The following SYT2 variants were observed in gnomAD, a reference collection of about 807,000 sequenced individuals.
SYT2 encodes synaptotagmin 2.
Under a neutral mutation model 39.9 loss-of-function variants are expected in SYT2, and 15 were observed. The observed-to-expected ratio is 0.38, with a 90% CI of 0.25 to 0.58. The LOEUF is 0.58. Ranked by LOEUF, SYT2 falls within the 20% of genes least tolerant of loss-of-function variation. The pLI is 0.70. For synonymous variants in SYT2, 181 were observed against 204.5 expected (o/e 0.89, Z 0.98); for missense variants, 389 against 530.3 (o/e 0.73, Z 2.62).
At chr1:202,651,100 G>A (rs1430874432) in intron 1 of SYT2, among the ~76,000 whole-genome samples, 6 of 152,174 alleles carry the variant, frequency 3.9e-5, no homozygotes, top group Non-Finnish European at 7.3e-5. Context: ...AAGGCTTGAA[G>A]CAGGGAGCTG....
intron 1 of SYT2, among the ~76,000 whole-genome samples, chr1:202,606,542 G>A (rs1181852615): frequency 6.6e-6 from 1 of 152,054 alleles, no homozygotes; most frequent in Non-Finnish European, 1.5e-5. Flanking sequence ...AGCTCTCTGC[G>A]GTTTCTTCAC....
chr1:202,630,400 C>T (rs1016167583), intron 1 of SYT2: 20 of 985,112 alleles, frequency 2.0e-5, no homozygotes, highest in Admixed American at 1.2e-4. Context: ...GATGCACAGG[C>T]GCTTCTGCTG....
chr1:202,674,022 AT>A (rs922016487), intron 1 of SYT2, among the ~76,000 whole-genome samples: 11 of 151,882 alleles, frequency 7.2e-5, no homozygotes, highest in South Asian at 2.1e-4. Flanking sequence ...GTTAATGTGT[AT>A]TTTTTTTAAT....
In SYT2 at chr1:202,595,202, A is replaced by T. The variant is rs6427958; in HGVS notation, c.*1555T>A. On this transcript the variant is annotated 3_prime_UTR_variant, in exon 9 of 9. Coordinates refer to ENST00000367268, the MANE Select transcript of SYT2 (RefSeq NM_177402.5). ...CTCACTCTGTTGTCCAGGCTGAAGG[A>T]TTGGAAGAAGACTCAGTGCAAACCT... is the stretch of plus-strand genomic sequence containing the variant. 0.61 allele frequency: 93,097 copies of T among 152,204 alleles called. 28,736 individuals carry two copies. The highest frequency in any genetic ancestry group is 0.71 in the Admixed American group (10,877 of 15,298). The allele number at this position is 152,204 out of a possible 1,614,324, so 9.4% of individuals were successfully genotyped here. A position where few individuals can be genotyped will look rare whatever the true frequency, so the allele number is the denominator to read the frequency against.
At chr1:202,597,921 C>T (rs1349356650) in intron 8 of SYT2, among the ~76,000 whole-genome samples, 2 of 152,106 alleles carry the variant, frequency 1.3e-5, no homozygotes, top group African/African-American at 4.8e-5. Flanking sequence ...TGCCTTTTTC[C>T]CCTGTGACTC....
At chr1:202,654,898 G>A (rs1692252959) in intron 1 of SYT2, among the ~76,000 whole-genome samples, 1 of 152,206 alleles carries the variant, frequency 6.6e-6, no homozygotes, top group Non-Finnish European at 1.5e-5. Flanking sequence ...CAGGCTGCTA[G>A]AGCTGAAGAG....
rs901536729 is a variant in SYT2 at position 202,682,199 on chromosome 1, C to T, written c.-18+28059G>A. Among the ~76,000 whole-genome samples, 5 of 152,172 alleles carry T rather than the reference C, an allele frequency of 3.3e-5. No homozygotes were observed. In the South Asian group the frequency reaches 1.0e-3, roughly 32 times the overall value. ...AGCTGCCGGCTGGGAGCCAGGCACA[C>T]GGGGGTATTCAAGGGAGCACGTTGG... On this transcript the variant is annotated intron_variant, in intron 1 of 8. Transcript: ENST00000367268.
intron 1 of SYT2, among the ~76,000 whole-genome samples, chr1:202,704,820 C>CA (rs1302498576): frequency 6.6e-6 from 1 of 152,216 alleles, no homozygotes; most frequent in Non-Finnish European, 1.5e-5. Flanking sequence ...CGGGGTGTCC[C>CA]ATCATGCACT....
At chr1:202,639,249 C>A (rs1313407982) in intron 1 of SYT2, among the ~76,000 whole-genome samples, 1 of 152,186 alleles carries the variant, frequency 6.6e-6, no homozygotes, top group Non-Finnish European at 1.5e-5. Flanking sequence ...ATCTCAGTAT[C>A]TAGATCAGGA....
chr1:202,624,705 G>C (rs1691311535), intron 1 of SYT2, among the ~76,000 whole-genome samples: 1 of 15,352 alleles, frequency 6.5e-5, no homozygotes, highest in East Asian at 1.8e-3. Context: ...GTGTAGTAGG[G>C]TGTGTGTGTG....
chr1:202,656,152 A>G (rs1161493611), intron 1 of SYT2, among the ~76,000 whole-genome samples: 1 of 152,214 alleles, frequency 6.6e-6, no homozygotes, highest in Non-Finnish European at 1.5e-5. Flanking sequence ...ACACGTGCAC[A>G]TATGCACACT....
intron 1 of SYT2, among the ~76,000 whole-genome samples, chr1:202,645,817 G>A (rs557816441): frequency 2.6e-5 from 4 of 152,314 alleles, no homozygotes; most frequent in African/African-American, 9.6e-5. Flanking sequence ...AAATGGGGGA[G>A]GATGGGAACA....
At chr1:202,608,035 G>T (rs1226477451) in intron 1 of SYT2, among the ~76,000 whole-genome samples, 1 of 152,134 alleles carries the variant, frequency 6.6e-6, no homozygotes, top group African/African-American at 2.4e-5. Context: ...AAGAAACCCA[G>T]TCCCATTAGC....
At chr1:202,661,043 T>C (rs1692368639) in intron 1 of SYT2, among the ~76,000 whole-genome samples, 2 of 152,180 alleles carry the variant, frequency 1.3e-5, no homozygotes, top group Non-Finnish European at 2.9e-5. Context: ...ACTCCAGACA[T>C]GGCTCCAGGT....
chr1:202,674,796 T>G (rs1004037512), intron 1 of SYT2, among the ~76,000 whole-genome samples: 14 of 152,112 alleles, frequency 9.2e-5, no homozygotes, highest in Non-Finnish European at 8.8e-5. Flanking sequence ...CTTCACACAC[T>G]GCTCTGGTCA....
intron 1 of SYT2, among the ~76,000 whole-genome samples, chr1:202,678,184 G>C (rs1315975351): frequency 7.5e-6 from 1 of 132,544 alleles, no homozygotes; most frequent in Non-Finnish European, 1.5e-5. Context: ...TGAGGCACAA[G>C]AATCATTTGA....
chr1:202,624,391 C>A (rs1468195164), intron 1 of SYT2, among the ~76,000 whole-genome samples: 6 of 148,124 alleles, frequency 4.1e-5, no homozygotes, highest in Admixed American at 1.3e-4. Context: ...GTGGTGTGTA[C>A]GTATGTGTGG....
At chr1:202,708,473 G>A (rs1286694896) in intron 1 of SYT2, among the ~76,000 whole-genome samples, 1 of 152,042 alleles carries the variant, frequency 6.6e-6, no homozygotes. Context: ...TCTGGGGGGA[G>A]TCCTAGAGGG....
At chr1:202,631,410 C>T (rs2149090964) in intron 1 of SYT2, among the ~76,000 whole-genome samples, 1 of 152,326 alleles carries the variant, frequency 6.6e-6, no homozygotes. Flanking sequence ...TAATGTTCTG[C>T]TGCAGGTTCA....
Sources: gnomAD v4.1 joint callset for allele counts (sites outside exome capture counted in the v4.1 genomes callset) on GRCh38, gnomAD v4.1.1 for gene constraint, MANE v1.5 for transcripts, NCBI Gene and HGNC (gene_info 2026-07-23, HGNC 2026-07-21) for gene names.